The following GMDS variants were observed in gnomAD, a reference collection of about 807,000 sequenced individuals.
GMDS encodes GDP-mannose 4,6 dehydratase.
GMDS carries 20 observed loss-of-function variants against 49.9 expected under a neutral mutation model. The ratio of observed to expected loss-of-function variants is 0.40; its 90% CI spans 0.28 to 0.58. GMDS has a LOEUF of 0.58. GMDS is among the 20% of genes least tolerant of loss of function. GMDS has a pLI of 0.42. For synonymous variants in GMDS, 177 were observed against 178.6 expected (o/e 0.99, Z 0.07); for missense variants, 362 against 481.4 (o/e 0.75, Z 2.32).
intron 9 of GMDS, among the ~76,000 whole-genome samples, chr6:1,705,898 C>T (rs866651693): frequency 1.3e-5 from 2 of 152,190 alleles, no homozygotes; most frequent in Non-Finnish European, 2.9e-5. Context: ...TAGACCCACA[C>T]AGCAATGAGA....
At chr6:2,163,181 C>T (rs556406542) in intron 1 of GMDS, among the ~76,000 whole-genome samples, 2 of 152,098 alleles carry the variant, frequency 1.3e-5, no homozygotes, top group African/African-American at 2.4e-5. Context: ...ATAAACTGTC[C>T]TAACAGTGAA....
At chr6:2,091,233 A>G (rs1773296710) in intron 4 of GMDS, among the ~76,000 whole-genome samples, 1 of 152,248 alleles carries the variant, frequency 6.6e-6, no homozygotes, top group Non-Finnish European at 1.5e-5. Flanking sequence ...CATTAGCTGT[A>G]TAATACATAG....
intron 9 of GMDS, among the ~76,000 whole-genome samples, chr6:1,654,204 T>A (rs1763801653): frequency 6.6e-6 from 1 of 152,192 alleles, no homozygotes; most frequent in Admixed American, 6.5e-5. Context: ...GTATGGTAGT[T>A]CCTCAAAAAA....
chr6:2,063,122 T>C (rs1446711588), intron 4 of GMDS, among the ~76,000 whole-genome samples: 2 of 152,190 alleles, frequency 1.3e-5, no homozygotes, highest in South Asian at 2.1e-4. Context: ...ACCTCCCCCA[T>C]GCATGGCACA....
chr6:1,739,755 G>A (rs1327928848), intron 8 of GMDS, among the ~76,000 whole-genome samples: 1 of 152,222 alleles, frequency 6.6e-6, no homozygotes, highest in African/African-American at 2.4e-5. Context: ...AGCAGCTGAG[G>A]GATGGAGGCA....
chr6:1,948,590 G>A (rs888923119), intron 6 of GMDS, among the ~76,000 whole-genome samples: 3 of 152,080 alleles, frequency 2.0e-5, no homozygotes, highest in African/African-American at 7.2e-5. Flanking sequence ...CCAGGAGTCC[G>A]AGGCTGCAGT....
intron 7 of GMDS, among the ~76,000 whole-genome samples, chr6:1,773,611 A>G (rs1216931171): frequency 6.6e-6 from 1 of 152,350 alleles, no homozygotes; most frequent in East Asian, 1.9e-4. Flanking sequence ...TGGCTCGGAA[A>G]CAGGCCTGTG....
intron 9 of GMDS, chr6:1,625,237 A>G (rs1339061714): frequency 6.6e-6 from 1 of 152,222 alleles, no homozygotes; most frequent in Non-Finnish European, 1.5e-5. Context: ...CCTCCCGCAC[A>G]CACGCGTTCA....
intron 9 of GMDS, among the ~76,000 whole-genome samples, chr6:1,683,211 C>T (rs971469367): frequency 1.3e-5 from 2 of 152,182 alleles, no homozygotes; most frequent in African/African-American, 2.4e-5. Flanking sequence ...GCAAGCTCTG[C>T]CTCCCGGGTT....
intron 4 of GMDS, among the ~76,000 whole-genome samples, chr6:2,084,529 C>T (rs144764512): frequency 0.031 from 4,738 of 151,656 alleles, 107 homozygotes; most frequent in Middle Eastern, 0.078. Context: ...TTTTTTGAGA[C>T]GGAGTCTTGC....
chr6:2,158,856 CCTTA>C (rs763079706), intron 1 of GMDS, among the ~76,000 whole-genome samples: 61 of 152,180 alleles, frequency 4.0e-4, no homozygotes, highest in Middle Eastern at 3.2e-3. Flanking sequence ...GTGGTTAATT[CCTTA>C]CGCTGCCAGA....
chr6:1,740,511 C>G (rs868272227), intron 8 of GMDS, among the ~76,000 whole-genome samples: 1 of 150,208 alleles, frequency 6.7e-6, no homozygotes, highest in South Asian at 2.1e-4. Context: ...GAGCCAAGAT[C>G]GTGCCACTGC....
At chr6:2,243,843 CTTTTTTTTTTTTTTTTTTT>C (rs68171156) in intron 1 of GMDS, among the ~76,000 whole-genome samples, 5 of 58,152 alleles carry the variant, frequency 8.6e-5, no homozygotes, top group African/African-American at 2.4e-4. Context: ...ACTTCTCCTT[CTTTTTTTTTTTTTTTTTTT>C]TTTTTTTTTT....
At chr6:1,904,414 C>G (rs1760653683) in intron 7 of GMDS, among the ~76,000 whole-genome samples, 1 of 152,138 alleles carries the variant, frequency 6.6e-6, no homozygotes, top group African/African-American at 2.4e-5. Context: ...AGGACTGCCC[C>G]CTCCTCGGCA....
intron 4 of GMDS, among the ~76,000 whole-genome samples, chr6:1,994,405 G>C (rs139739156): frequency 6.6e-6 from 1 of 152,058 alleles, no homozygotes; most frequent in Non-Finnish European, 1.5e-5. Flanking sequence ...GAAATGATAT[G>C]CTATATTCCA....
chr6:1,947,903 A>G lies in GMDS; in HGVS notation c.643+11964T>C, dbSNP rs76824843. Among the ~76,000 whole-genome samples, 441 of 152,348 alleles carry G rather than the reference A, an allele frequency of 2.9e-3. 15 individuals carry two copies. The East Asian group carries it at 0.066, about 23-fold the overall frequency. On this transcript the variant is annotated intron_variant, in intron 6 of 10. Coordinates refer to ENST00000380815, the MANE Select transcript of GMDS (RefSeq NM_001500.4). Reference sequence around the variant, plus strand: ...CTTTTTTAACTTGTTCAGAGAAAACAAAGTCATATGTTCCTTTATGCATTT... The same window carrying G: ...CTTTTTTAACTTGTTCAGAGAAAACGAAGTCATATGTTCCTTTATGCATTT...
chr6:2,160,175 C>A (rs1354328442), intron 1 of GMDS, among the ~76,000 whole-genome samples: 1 of 152,162 alleles, frequency 6.6e-6, no homozygotes, highest in Non-Finnish European at 1.5e-5. Flanking sequence ...CAGATTTTTA[C>A]TACATGCGAT....
intron 9 of GMDS, among the ~76,000 whole-genome samples, chr6:1,674,654 C>T (rs1028068598): frequency 1.6e-4 from 23 of 145,822 alleles, no homozygotes; most frequent in African/African-American, 5.8e-4. Flanking sequence ...GCAGCCTCAA[C>T]CTCCCGGGCT....
chr6:1,851,274 A>G (rs1367472836), intron 7 of GMDS, among the ~76,000 whole-genome samples: 1 of 152,206 alleles, frequency 6.6e-6, no homozygotes, highest in African/African-American at 2.4e-5. Context: ...TTAGCTATGT[A>G]ATTAAGGCTG....
Sources: allele counts gnomAD v4.1 joint callset (sites outside exome capture counted in the v4.1 genomes callset), GRCh38; gene constraint gnomAD v4.1.1; transcripts MANE v1.5; gene names NCBI Gene and HGNC (gene_info 2026-07-23, HGNC 2026-07-21).